CAMK1D: variants seen among roughly 807,000 people sequenced by gnomAD.
CAMK1D encodes the protein calcium/calmodulin dependent protein kinase ID.
Under a neutral mutation model 47.7 loss-of-function variants are expected in CAMK1D, and 9 were observed. The observed-to-expected ratio is 0.19, with a 90% CI of 0.11 to 0.33. The LOEUF is 0.33. Ranked by LOEUF, CAMK1D falls within the 10% of genes least tolerant of loss-of-function variation. The pLI is 1.00. For missense variants in CAMK1D, 291 were observed against 488.7 expected, an observed-to-expected ratio of 0.60 and a Z score of 3.81; for synonymous variants, 184 against 184.9, an observed-to-expected ratio of 0.99 and a Z score of 0.04.
chr10:12,696,684 C>G (rs1198454213), intron 3 of CAMK1D, among the ~76,000 whole-genome samples: 1 of 152,230 alleles, frequency 6.6e-6, no homozygotes, highest in Admixed American at 6.5e-5. Flanking sequence ...GCTGCCATTA[C>G]TGGCGGAATT....
Position 12,654,779 on chromosome 10 carries a change from G to A in CAMK1D, c.225-11957G>A, listed in dbSNP as rs548352892. On this transcript the variant is annotated intron_variant, in intron 2 of 10. Transcript: ENST00000619168. ...GCCTAGATAAATTTAAAATGGGCACGGAAGCCACGAAGTTATCAGCTCTGA... is the reference window on the plus strand; with the variant it reads ...GCCTAGATAAATTTAAAATGGGCACAGAAGCCACGAAGTTATCAGCTCTGA... 1.1e-4 allele frequency among the ~76,000 whole-genome samples: 17 copies of A among 152,186 alleles called. No homozygotes were observed. The South Asian group carries it at 1.5e-3, about 13-fold the overall frequency.
intron 3 of CAMK1D, among the ~76,000 whole-genome samples, chr10:12,759,564 A>G (rs1221412934): frequency 6.6e-6 from 1 of 152,176 alleles, no homozygotes. Context: ...GATCATTGAG[A>G]CAACACGGTC....
Position 12,425,288 on chromosome 10 carries a change from T to C in CAMK1D, c.92+75378T>C, listed in dbSNP as rs138441029. Reference sequence around the variant, plus strand: ...CTTTTCTTTCTTTCTTTCTTTCTTTTTTTTTTTTTTTGAGACAGAGTCTTG... The same window carrying C: ...CTTTTCTTTCTTTCTTTCTTTCTTTCTTTTTTTTTTTGAGACAGAGTCTTG... On this transcript the variant is annotated intron_variant, in intron 1 of 10. Transcript: ENST00000619168. 4.6e-3 allele frequency among the ~76,000 whole-genome samples: 468 copies of C among 102,700 alleles called. 2 individuals are homozygous for C. Among genetic ancestry groups the C allele is most frequent in the African/African-American group, 0.014 (394 of 28,338 alleles). The allele number at this position is 102,700 out of a possible 152,430, so 67.4% of individuals were successfully genotyped here.
chr10:12,425,702 T>C (rs1465852116), intron 1 of CAMK1D, among the ~76,000 whole-genome samples: 1 of 152,254 alleles, frequency 6.6e-6, no homozygotes, highest in Non-Finnish European at 1.5e-5. Flanking sequence ...AGGACAAGGA[T>C]GAATGTCTTG....
chr10:12,827,746 T>A (rs1833309474), intron 10 of CAMK1D, among the ~76,000 whole-genome samples: 2 of 151,332 alleles, frequency 1.3e-5, no homozygotes, highest in Admixed American at 6.6e-5. Context: ...TGGAGTGCAG[T>A]GGCACAGTCA....
intron 1 of CAMK1D, among the ~76,000 whole-genome samples, chr10:12,550,204 G>A (rs1424799610): frequency 1.3e-5 from 2 of 152,138 alleles, no homozygotes; most frequent in African/African-American, 4.8e-5. Context: ...CAGGACCATT[G>A]GGGTGTCATC....
intron 3 of CAMK1D, among the ~76,000 whole-genome samples, chr10:12,746,676 A>G (rs951635329): frequency 1.3e-5 from 2 of 152,114 alleles, no homozygotes; most frequent in Non-Finnish European, 2.9e-5. Context: ...TATAATCGTG[A>G]CCAGAGTTAC....
intron 2 of CAMK1D, among the ~76,000 whole-genome samples, chr10:12,640,119 G>A (rs185065395): frequency 1.1e-4 from 16 of 152,206 alleles, no homozygotes; most frequent in East Asian, 1.9e-4. Flanking sequence ...AAGAATCAGC[G>A]CTCCTAGCCC....
chr10:12,415,322 G>A (rs905101817), intron 1 of CAMK1D, among the ~76,000 whole-genome samples: 1 of 151,550 alleles, frequency 6.6e-6, no homozygotes, highest in Non-Finnish European at 1.5e-5. Flanking sequence ...GAGTCTCGCC[G>A]TTGTTGCCCA....
chr10:12,422,554 A>G (rs996047396), intron 1 of CAMK1D, among the ~76,000 whole-genome samples: 13 of 152,208 alleles, frequency 8.5e-5, no homozygotes, highest in African/African-American at 3.1e-4. Flanking sequence ...CAAATGCAAG[A>G]GGCCTAGAGC....
intron 2 of CAMK1D, among the ~76,000 whole-genome samples, chr10:12,598,969 G>A (rs1413867540): frequency 6.6e-6 from 1 of 152,160 alleles, no homozygotes; most frequent in East Asian, 1.9e-4. Context: ...GAATTAGCAC[G>A]AATGTACACA....
At chr10:12,468,993 G>A (rs1231880609) in intron 1 of CAMK1D, among the ~76,000 whole-genome samples, 1 of 152,044 alleles carries the variant, frequency 6.6e-6, no homozygotes. Flanking sequence ...TCTACATAGC[G>A]TCCTGCCCGG....
intron 1 of CAMK1D, among the ~76,000 whole-genome samples, chr10:12,508,265 C>T (rs1248627096): frequency 4.6e-5 from 7 of 152,216 alleles, no homozygotes; most frequent in Non-Finnish European, 1.0e-4. Flanking sequence ...TTTCCGTTGA[C>T]GGATGAAAGA....
chr10:12,625,336 CAAAAA>C (rs869128579), intron 2 of CAMK1D, among the ~76,000 whole-genome samples: 1 of 42,384 alleles, frequency 2.4e-5, no homozygotes, highest in East Asian at 7.0e-4. Context: ...ACTCCATGTA[CAAAAA>C]AAAAAAAAAA....
At chr10:12,642,835 A>G (rs978851664) in intron 2 of CAMK1D, among the ~76,000 whole-genome samples, 1 of 152,320 alleles carries the variant, frequency 6.6e-6, no homozygotes, top group African/African-American at 2.4e-5. Context: ...TGTAAAGAAA[A>G]CCTAAGAGTT....
chr10:12,523,093 T>C (rs1290735023), intron 1 of CAMK1D, among the ~76,000 whole-genome samples: 6 of 146,606 alleles, frequency 4.1e-5, no homozygotes, highest in African/African-American at 1.5e-4. Context: ...GTGGAGGGGC[T>C]CCTCACTTCT....
intron 1 of CAMK1D, among the ~76,000 whole-genome samples, chr10:12,465,075 C>G (rs1169944518): frequency 2.0e-5 from 3 of 152,186 alleles, no homozygotes; most frequent in African/African-American, 7.2e-5. Flanking sequence ...GTCCGTCACC[C>G]ATAAAGCACG....
intron 3 of CAMK1D, among the ~76,000 whole-genome samples, chr10:12,689,928 T>G (rs60336991): frequency 6.6e-6 from 1 of 152,286 alleles, no homozygotes; most frequent in African/African-American, 2.4e-5. Flanking sequence ...CAACCTTTGA[T>G]TGAAAGGTTT....
At chr10:12,577,795 C>T (rs1359647189) in intron 2 of CAMK1D, among the ~76,000 whole-genome samples, 1 of 152,214 alleles carries the variant, frequency 6.6e-6, no homozygotes. Flanking sequence ...TCAGCCCCTC[C>T]AAGATTATGC....
Sources: gnomAD v4.1 joint callset for allele counts (sites outside exome capture counted in the v4.1 genomes callset) on GRCh38, gnomAD v4.1.1 for gene constraint, MANE v1.5 for transcripts, NCBI Gene and HGNC (gene_info 2026-07-23, HGNC 2026-07-21) for gene names.